The following UMAD1 variants were observed in gnomAD, a reference collection of about 807,000 sequenced individuals.
UMAD1 encodes the protein UBAP1-MVB12-associated (UMA) domain containing 1.
UMAD1 carries 8 observed loss-of-function variants against 6.1 expected under a neutral mutation model. That is an observed-to-expected ratio of 1.30 (90% confidence interval 0.76 to 2.35). The LOEUF is 2.35. Ranked by LOEUF, UMAD1 falls within the 30% of genes most tolerant of loss-of-function variation. UMAD1 has a pLI of 0.00. For missense variants in UMAD1, 130 were observed against 78.4 expected, an observed-to-expected ratio of 1.66 and a Z score of -2.49; for synonymous variants, 56 against 31.4, an observed-to-expected ratio of 1.78 and a Z score of -2.61.
chr7:7,798,004 C>T (rs1262048473), intron 2 of UMAD1, among the ~76,000 whole-genome samples: 1 of 152,154 alleles, frequency 6.6e-6, no homozygotes, highest in Non-Finnish European at 1.5e-5. Flanking sequence ...AACTTTTTAT[C>T]CCGGAAATGA....
At chr7:7,728,243 C>T (rs997362658) in intron 2 of UMAD1, among the ~76,000 whole-genome samples, 9 of 151,494 alleles carry the variant, frequency 5.9e-5, no homozygotes, top group Non-Finnish European at 1.3e-4. Context: ...TCTAGGGTAC[C>T]TCTACCTGGG....
At chr7:7,702,999 G>A (rs117584436) in intron 2 of UMAD1, among the ~76,000 whole-genome samples, 1,528 of 152,272 alleles carry the variant, frequency 0.01, 11 homozygotes, top group Non-Finnish European at 0.017. Context: ...GAAGCCATGC[G>A]AGCAGGCAGA....
chr7:7,770,261 C>G (rs993095966), intron 2 of UMAD1, among the ~76,000 whole-genome samples: 2 of 152,168 alleles, frequency 1.3e-5, no homozygotes, highest in Non-Finnish European at 2.9e-5. Flanking sequence ...CTTTCTTTCT[C>G]CCCCAGAGGC....
chr7:7,851,255 T>G (rs1321543023), intron 3 of UMAD1, among the ~76,000 whole-genome samples: 4 of 152,204 alleles, frequency 2.6e-5, no homozygotes, highest in Admixed American at 6.5e-5. Context: ...CTTTTATTGT[T>G]GTATAATATT....
intron 3 of UMAD1, among the ~76,000 whole-genome samples, chr7:7,835,187 T>C (rs1007588482): frequency 2.0e-5 from 3 of 152,206 alleles, no homozygotes; most frequent in Non-Finnish European, 4.4e-5. Context: ...TCACTCATCA[T>C]TGTAATTCTA....
chr7:7,741,635 G>C (rs1781470089), intron 2 of UMAD1, among the ~76,000 whole-genome samples: 1 of 148,444 alleles, frequency 6.7e-6, no homozygotes, highest in Non-Finnish European at 1.5e-5. Context: ...AAAAAACACT[G>C]TAATGTAATT....
At chr7:7,818,910 C>G (rs11768579) in intron 3 of UMAD1, among the ~76,000 whole-genome samples, 25,625 of 152,174 alleles carry the variant, frequency 0.17, 2,354 homozygotes, top group African/African-American at 0.19. Flanking sequence ...AATGCCATAG[C>G]ACAGTCTCTG....
chr7:7,845,505 AG>A (rs1458092744), intron 3 of UMAD1, among the ~76,000 whole-genome samples: 3 of 152,148 alleles, frequency 2.0e-5, no homozygotes, highest in African/African-American at 7.2e-5. Context: ...TGTTAAGACT[AG>A]TGCCCTTCTC....
At chr7:7,767,467 G>A (rs768273753) in intron 2 of UMAD1, among the ~76,000 whole-genome samples, 19 of 152,142 alleles carry the variant, frequency 1.2e-4, no homozygotes, top group Non-Finnish European at 2.4e-4. Flanking sequence ...AACAATGTGC[G>A]TTGCTAAGCA....
At chr7:7,785,458 G>C (rs923666188) in intron 2 of UMAD1, among the ~76,000 whole-genome samples, 14 of 152,212 alleles carry the variant, frequency 9.2e-5, no homozygotes, top group African/African-American at 3.4e-4. Context: ...TTAGTCAGGG[G>C]ACCGATCATC....
At chr7:7,756,334 G>A (rs148600688) in intron 2 of UMAD1, among the ~76,000 whole-genome samples, 18 of 152,300 alleles carry the variant, frequency 1.2e-4, no homozygotes, top group Admixed American at 8.5e-4. Context: ...GAGTGGTTCT[G>A]AACTGAGTAT....
intron 2 of UMAD1, among the ~76,000 whole-genome samples, chr7:7,714,770 G>A (rs1398935276): frequency 2.0e-5 from 3 of 152,056 alleles, no homozygotes; most frequent in African/African-American, 7.3e-5. Context: ...TGGAAGCTGG[G>A]AGAAAGTCAG....
At chr7:7,696,099 G>A (rs1208925331) in intron 2 of UMAD1, among the ~76,000 whole-genome samples, 1 of 149,460 alleles carries the variant, frequency 6.7e-6, no homozygotes, top group African/African-American at 2.5e-5. Context: ...TCTACCTCCT[G>A]GGTTCAAGCG....
chr7:7,823,416 T>C (rs532922161), intron 3 of UMAD1, among the ~76,000 whole-genome samples: 182 of 152,278 alleles, frequency 1.2e-3, no homozygotes, highest in African/African-American at 4.1e-3. Context: ...AAGTTATCTA[T>C]ATTTGATCTG....
At position 7,683,520 on chromosome 7, in the gene UMAD1, A is replaced by G. The variant is rs1238760341; in HGVS notation, c.82+10067A>G. Among the ~76,000 whole-genome samples the G allele has an allele frequency of 4.6e-5, 7 of 152,376 alleles. No homozygotes were observed. In the East Asian group the frequency reaches 1.3e-3, roughly 29 times the overall value. On this transcript the variant is annotated intron_variant, in intron 2 of 3. Coordinates refer to ENST00000682710, the MANE Select transcript of UMAD1 (RefSeq NM_001302348.2). ...ATAAACAAAAAGCAAATAAAACCAC[A>G]GAATTTCTGGGTAATTACATTTCCT... is the stretch of plus-strand genomic sequence containing the variant.
At chr7:7,833,553 A>G (rs954794850) in intron 3 of UMAD1, among the ~76,000 whole-genome samples, 1 of 152,172 alleles carries the variant, frequency 6.6e-6, no homozygotes, top group Non-Finnish European at 1.5e-5. Flanking sequence ...GGGAAGAAAG[A>G]GGTAAGTACC....
intron 2 of UMAD1, among the ~76,000 whole-genome samples, chr7:7,739,588 G>A (rs1781423074): frequency 6.6e-6 from 1 of 152,090 alleles, no homozygotes; most frequent in Non-Finnish European, 1.5e-5. Context: ...TTTTCTCAAG[G>A]AAACTGTTTG....
At chr7:7,666,045 G>T (rs1261522237) in intron 1 of UMAD1, among the ~76,000 whole-genome samples, 1 of 152,054 alleles carries the variant, frequency 6.6e-6, no homozygotes, top group African/African-American at 2.4e-5. Context: ...AAGTTATATG[G>T]TGGATATATG....
chr7:7,803,362 C>T (rs1373249710), intron 3 of UMAD1, among the ~76,000 whole-genome samples: 1 of 152,138 alleles, frequency 6.6e-6, no homozygotes, highest in Non-Finnish European at 1.5e-5. Context: ...GTAGTCCCAG[C>T]TACTCAGAAG....
Sources: allele counts gnomAD v4.1 joint callset (sites outside exome capture counted in the v4.1 genomes callset), GRCh38; gene constraint gnomAD v4.1.1; transcripts MANE v1.5; gene names NCBI Gene and HGNC (gene_info 2026-07-23, HGNC 2026-07-21).